Variants in SV2C observed in about 807,000 individuals in gnomAD.
The protein encoded by SV2C is solute carrier family 22 member B3.
In SV2C, 49 loss-of-function variants were observed where a neutral mutation model predicts 79.7. The ratio of observed to expected loss-of-function variants is 0.61; its 90% CI spans 0.49 to 0.78. The LOEUF is 0.78. SV2C is among the 30% of genes least tolerant of loss of function. The probability of loss-of-function intolerance (pLI) is 0.00; values close to 1 mark genes in which losing one functional copy is unlikely to be tolerated. For synonymous variants in SV2C, 334 were observed against 333.2 expected, an observed-to-expected ratio of 1.00 and a Z score of -0.03; for missense variants, 833 against 912.9, an observed-to-expected ratio of 0.91 and a Z score of 1.13.
At chr5:75,937,000 C>T in the SV2C span, among the ~76,000 whole-genome samples, 12 of 152,154 alleles carry the variant, frequency 7.9e-5, no homozygotes, top group Non-Finnish European at 1.2e-4. Context: ...GCAGTTGTCT[C>T]GTGATCTTTA....
At chr5:76,159,431 A>G (rs1359424425) in intron 2 of SV2C, among the ~76,000 whole-genome samples, 1 of 152,160 alleles carries the variant, frequency 6.6e-6, no homozygotes, top group Non-Finnish European at 1.5e-5. Flanking sequence ...TCCAGCAAGT[A>G]CATTAGATTC....
chr5:75,911,076 C>A, the SV2C span: 1 of 1,339,394 alleles, frequency 7.5e-7, no homozygotes, highest in Non-Finnish European at 1.1e-6. Flanking sequence ...GATCTGGAAC[C>A]TGATGCAGCC....
chr5:76,088,371 T>C (rs1214053214), intron 1 of SV2C, among the ~76,000 whole-genome samples: 2 of 152,198 alleles, frequency 1.3e-5, no homozygotes, highest in African/African-American at 2.4e-5. Context: ...AAAAATATTT[T>C]AGACTGGGTA....
chr5:75,945,608 C>T, the SV2C span, among the ~76,000 whole-genome samples: 1 of 152,020 alleles, frequency 6.6e-6, no homozygotes, highest in Non-Finnish European at 1.5e-5. Context: ...CATGAACCAC[C>T]ATGCCTGCCC....
intron 2 of SV2C, chr5:76,173,994 A>G: frequency 6.4e-7 from 1 of 1,561,978 alleles, no homozygotes; most frequent in Non-Finnish European, 8.8e-7. Context: ...ATTGCTGTAA[A>G]TTGCTCCGTT....
At chr5:76,348,875 C>T (rs1749592242) in intron 12 of SV2C, among the ~76,000 whole-genome samples, 1 of 152,096 alleles carries the variant, frequency 6.6e-6, no homozygotes, top group South Asian at 2.1e-4. Context: ...TGGCAGGTGC[C>T]TATAATCCCA....
At chr5:75,991,972 C>G in the SV2C span, among the ~76,000 whole-genome samples, 1 of 151,232 alleles carries the variant, frequency 6.6e-6, no homozygotes, top group Non-Finnish European at 1.5e-5. Context: ...CAATTTTTTT[C>G]TTGTCCTTTC....
chr5:76,129,398 G>T (rs745839188), intron 1 of SV2C, among the ~76,000 whole-genome samples: 27 of 150,616 alleles, frequency 1.8e-4, no homozygotes, highest in Non-Finnish European at 3.5e-4. Flanking sequence ...GACAAAAAGA[G>T]AACTTATATG....
the SV2C span, among the ~76,000 whole-genome samples, chr5:75,909,569 G>A: frequency 1.1e-4 from 17 of 152,044 alleles, no homozygotes; most frequent in Admixed American, 1.1e-3. Flanking sequence ...TTTTGTTCTT[G>A]GTAATGTTTT....
intron 4 of SV2C, among the ~76,000 whole-genome samples, chr5:76,263,695 A>C (rs1016393487): frequency 6.6e-6 from 1 of 152,120 alleles, no homozygotes; most frequent in East Asian, 1.9e-4. Context: ...CTTGTCTGTA[A>C]AGGATTTTAT....
At chr5:76,306,342 C>G (rs1294730293) in intron 12 of SV2C, among the ~76,000 whole-genome samples, 1 of 152,100 alleles carries the variant, frequency 6.6e-6, no homozygotes, top group East Asian at 1.9e-4. Context: ...AGGTATGACC[C>G]ATTGTGCCAG....
At chr5:76,177,122 AAAC>A (rs1743557603) in intron 2 of SV2C, among the ~76,000 whole-genome samples, 2 of 149,780 alleles carry the variant, frequency 1.3e-5, no homozygotes, top group East Asian at 1.9e-4. Context: ...CTCAAAAAAA[AAAC>A]AACAAAAAAC....
the SV2C span, among the ~76,000 whole-genome samples, chr5:76,030,935 TA>T: frequency 2.6e-5 from 4 of 152,182 alleles, no homozygotes; most frequent in Non-Finnish European, 5.9e-5. Context: ...AATTAATACA[TA>T]AATCAAATAT....
chr5:76,045,172 C>G, the SV2C span, among the ~76,000 whole-genome samples: 1 of 152,290 alleles, frequency 6.6e-6, no homozygotes, highest in South Asian at 2.1e-4. Flanking sequence ...AATAGGGAAT[C>G]CTTTCCCCAT....
intron 2 of SV2C, among the ~76,000 whole-genome samples, chr5:76,163,589 T>C (rs1283126287): frequency 9.2e-5 from 14 of 151,758 alleles, no homozygotes. Context: ...GGCCTGACTC[T>C]GCCCCAGCAC....
the SV2C span, among the ~76,000 whole-genome samples, chr5:75,971,055 C>G: frequency 6.6e-6 from 1 of 152,082 alleles, no homozygotes; most frequent in East Asian, 1.9e-4. Context: ...AGAATATAAA[C>G]AGAACCAAAG....
At chr5:76,317,787 C>T (rs569151759) in intron 12 of SV2C, among the ~76,000 whole-genome samples, 1 of 152,326 alleles carries the variant, frequency 6.6e-6, no homozygotes, top group South Asian at 2.1e-4. Flanking sequence ...TATGATTACA[C>T]CACTGCACTC....
At chr5:76,110,569 A>G (rs544074399) in intron 1 of SV2C, among the ~76,000 whole-genome samples, 1 of 152,242 alleles carries the variant, frequency 6.6e-6, no homozygotes, top group Non-Finnish European at 1.5e-5. Flanking sequence ...GAGAAGTCTC[A>G]TGAGTCACTG....
At chr5:76,021,214 C>T in the SV2C span, among the ~76,000 whole-genome samples, 2 of 152,126 alleles carry the variant, frequency 1.3e-5, no homozygotes, top group Non-Finnish European at 2.9e-5. Flanking sequence ...ACTTTATTTA[C>T]CCTAATAAAC....
Sources: gnomAD v4.1 joint callset for allele counts (sites outside exome capture counted in the v4.1 genomes callset) on GRCh38, gnomAD v4.1.1 for gene constraint, MANE v1.5 for transcripts, NCBI Gene and HGNC (gene_info 2026-07-23, HGNC 2026-07-21) for gene names.